The following TBL1XR1 variants were observed in gnomAD, a reference collection of about 807,000 sequenced individuals.
The protein encoded by TBL1XR1 is F-box-like/WD repeat-containing protein TBL1XR1.
TBL1XR1 carries 5 observed loss-of-function variants against 66.9 expected under a neutral mutation model. That is an observed-to-expected ratio of 0.07 (90% CI 0.04 to 0.16). The LOEUF (loss-of-function observed/expected upper bound fraction) is 0.16, where lower values mean the gene tolerates loss of function less well. Among genes scored for constraint, TBL1XR1 ranks in the 10% least tolerant of loss-of-function variants. TBL1XR1 has a pLI of 1.00. For missense variants in TBL1XR1, 238 were observed against 623.2 expected (o/e 0.38, Z 6.58); for synonymous variants, 210 against 206.0 (o/e 1.02, Z -0.17).
intron 12 of TBL1XR1, among the ~76,000 whole-genome samples, chr3:177,036,443 T>TTTG (rs1714796614): frequency 6.6e-6 from 1 of 152,220 alleles, no homozygotes; most frequent in Non-Finnish European, 1.5e-5. Flanking sequence ...TTTAAAATCC[T>TTTG]TTGTGACATT....
chr3:177,156,546 CACTTAT>C (rs1731538929), intron 1 of TBL1XR1, among the ~76,000 whole-genome samples: 1 of 140,000 alleles, frequency 7.1e-6, no homozygotes, highest in South Asian at 2.2e-4. Flanking sequence ...CACACACACA[CACTTAT>C]ATATATATAC....
chr3:177,078,184 C>T (rs959707331), intron 2 of TBL1XR1, among the ~76,000 whole-genome samples: 1 of 152,108 alleles, frequency 6.6e-6, no homozygotes, highest in Admixed American at 6.6e-5. Context: ...AATCTTTTGC[C>T]TGTTTTAACA....
intron 1 of TBL1XR1, chr3:177,160,784 T>C (rs1732096595): frequency 6.6e-6 from 1 of 152,052 alleles, no homozygotes; most frequent in South Asian, 2.1e-4. Flanking sequence ...TCACCTGAGG[T>C]CAGGAGTTCG....
At chr3:177,063,435 A>G (rs188125633) in intron 3 of TBL1XR1, among the ~76,000 whole-genome samples, 166 of 152,326 alleles carry the variant, frequency 1.1e-3, no homozygotes, top group African/African-American at 4.0e-3. Flanking sequence ...CTGATCCTTC[A>G]CAATGGTTTT....
chr3:177,034,368 A>T lies in TBL1XR1; in HGVS notation c.1123-43T>A, dbSNP rs1353169703. The stretch of plus-strand genomic sequence containing the variant: ...ATGTATACAATTATTTTTCCATACA[A>T]TGAGTATATTTAAAATATTATTTTG... On this transcript the variant is annotated intron_variant, in intron 12 of 15. Coordinates refer to ENST00000457928, the MANE Select transcript of TBL1XR1 (RefSeq NM_024665.7). 3 of 1,358,910 alleles carry T rather than the reference A, an allele frequency of 2.2e-6. No individual in the cohort carries two copies. The East Asian group carries it at 7.9e-5, about 36-fold the overall frequency. The allele number at this position is 1,358,910 out of a possible 1,614,324, so 84.2% of individuals were successfully genotyped here.
intron 2 of TBL1XR1, among the ~76,000 whole-genome samples, chr3:177,084,541 G>T (rs2108619282): frequency 6.6e-6 from 1 of 152,372 alleles, no homozygotes; most frequent in East Asian, 1.9e-4. Context: ...ACAGCAACTT[G>T]ATAATCCTTT....
At position 177,050,027 on chromosome 3, in the gene TBL1XR1, G is replaced by A. The variant is rs1486486878; in HGVS notation, c.672C>T (p.Ser224=). ...CIREGGQDVP[S]NKDVTSLDWN... is the part of the protein sequence containing the mutation. ...AATCTAGAGATGTGACATCCTTGTT[G>A]CTTGGAACATCTTGCCCTCCTTCTC... Residue 224 remains serine (S), a synonymous_variant, in exon 7 of 16, where the codon AGC becomes AGT. Coordinates refer to ENST00000457928, the MANE Select transcript of TBL1XR1 (RefSeq NM_024665.7). 5.0e-6 allele frequency: 8 copies of A among 1,613,560 alleles called. No individual in the cohort carries two copies. The highest frequency in any genetic ancestry group is 3.4e-6 in the Non-Finnish European group (4 of 1,179,790).
At chr3:177,088,376 T>C (rs1444098590) in intron 2 of TBL1XR1, among the ~76,000 whole-genome samples, 1 of 152,172 alleles carries the variant, frequency 6.6e-6, no homozygotes, top group African/African-American at 2.4e-5. Context: ...AGGCTATATA[T>C]ATATAAGGAG....
At chr3:177,194,158 G>A (rs769378190) in intron 1 of TBL1XR1, 1 of 152,258 alleles carries the variant, frequency 6.6e-6, no homozygotes, top group Non-Finnish European at 1.5e-5. Flanking sequence ...ATTGGTGGCA[G>A]AGCAGGAGAT....
intron 1 of TBL1XR1, among the ~76,000 whole-genome samples, chr3:177,181,690 C>G (rs1388225544): frequency 1.3e-5 from 2 of 151,954 alleles, no homozygotes; most frequent in Non-Finnish European, 1.5e-5. Flanking sequence ...CCTTTGACCT[C>G]TGAGGGAAAA....
chr3:177,189,505 A>G (rs1735848967), intron 1 of TBL1XR1, among the ~76,000 whole-genome samples: 1 of 151,892 alleles, frequency 6.6e-6, no homozygotes. Context: ...TTACAAAAAA[A>G]TTAGCCAGGC....
chr3:177,101,139 G>C (rs1724155906), intron 1 of TBL1XR1, among the ~76,000 whole-genome samples: 1 of 151,606 alleles, frequency 6.6e-6, no homozygotes, highest in South Asian at 2.1e-4. Context: ...TTACAGGCGT[G>C]AGCCACCATG....
At position 177,170,637 on chromosome 3, in the gene TBL1XR1, T is replaced by TTTG. The variant is rs751109022; in HGVS notation, c.-122+26481_-122+26483dup. 2.0e-5 allele frequency among the ~76,000 whole-genome samples: 3 copies of TTTG among 152,230 alleles called. No homozygotes were observed. In the South Asian group the frequency reaches 6.2e-4, roughly 32 times the overall value. On this transcript the variant is annotated intron_variant, in intron 1 of 15. Transcript: ENST00000457928. ...TCTAAAGTCCTTGAGATCAATGGTT[T>TTTG]TTGTTGTTGTTGTTTTGGGACAGGG...
intron 1 of TBL1XR1, among the ~76,000 whole-genome samples, chr3:177,124,823 CTG>C (rs1458254584): frequency 4.6e-5 from 7 of 152,086 alleles, no homozygotes; most frequent in Non-Finnish European, 1.0e-4. Context: ...TCATAAAAAT[CTG>C]TCACTGTAAC....
chr3:177,167,964 T>A (rs140406525), intron 1 of TBL1XR1, among the ~76,000 whole-genome samples: 1 of 152,126 alleles, frequency 6.6e-6, no homozygotes, highest in Admixed American at 6.6e-5. Context: ...CTTAAAAAAG[T>A]GTTGTTATAG....
intron 1 of TBL1XR1, among the ~76,000 whole-genome samples, chr3:177,110,513 T>C (rs1725422413): frequency 1.3e-5 from 2 of 152,192 alleles, no homozygotes; most frequent in Admixed American, 1.3e-4. Context: ...TTTTTTTCCC[T>C]ACTGTGTTCA....
intron 1 of TBL1XR1, among the ~76,000 whole-genome samples, chr3:177,134,298 T>C (rs1472984802): frequency 6.6e-6 from 1 of 152,090 alleles, no homozygotes; most frequent in South Asian, 2.1e-4. Flanking sequence ...ACCAAGAGTA[T>C]GAAAGAGGTC....
At chr3:177,125,207 ATAC>A (rs1199868407) in intron 1 of TBL1XR1, among the ~76,000 whole-genome samples, 18 of 152,172 alleles carry the variant, frequency 1.2e-4, no homozygotes, top group East Asian at 1.9e-4. Flanking sequence ...AATATATGAA[ATAC>A]TACAACTCAA....
chr3:177,184,310 T>G (rs1360450881), intron 1 of TBL1XR1, among the ~76,000 whole-genome samples: 1 of 152,188 alleles, frequency 6.6e-6, no homozygotes, highest in African/African-American at 2.4e-5. Flanking sequence ...GAAGCCATAG[T>G]TCCACAAATC....
Sources: allele counts gnomAD v4.1 joint callset (sites outside exome capture counted in the v4.1 genomes callset), GRCh38; gene constraint gnomAD v4.1.1; transcripts MANE v1.5; gene names NCBI Gene and HGNC (gene_info 2026-07-23, HGNC 2026-07-21).